Variants in YES1 observed in about 807,000 individuals in gnomAD.
YES1 encodes tyrosine-protein kinase Yes.
A neutral mutation model predicts 70.4 loss-of-function variants in YES1; 39 were observed. The ratio of observed to expected loss-of-function variants is 0.55; its 90% CI spans 0.43 to 0.72. YES1 has a LOEUF of 0.72. Among genes scored for constraint, YES1 ranks in the 30% least tolerant of loss-of-function variants. The pLI, the probability that YES1 is intolerant of heterozygous loss-of-function variation, is 0.00. For missense variants in YES1, 495 were observed against 644.8 expected (o/e 0.77, Z 2.52); for synonymous variants, 198 against 218.6 (o/e 0.91, Z 0.83).
intron 1 of YES1, among the ~76,000 whole-genome samples, chr18:769,655 A>G (rs924987228): frequency 5.3e-5 from 8 of 152,198 alleles, no homozygotes; most frequent in Admixed American, 5.2e-4. Flanking sequence ...AAGCTTTTCT[A>G]CATGTACTTA....
At chr18:788,971 G>A (rs1021987335) in intron 1 of YES1, among the ~76,000 whole-genome samples, 3 of 152,148 alleles carry the variant, frequency 2.0e-5, no homozygotes, top group African/African-American at 7.2e-5. Context: ...CTCAGAGCAT[G>A]TAAAAAGTTT....
intron 8 of YES1, among the ~76,000 whole-genome samples, chr18:740,726 T>C (rs60377646): frequency 0.089 from 13,492 of 152,224 alleles, 757 homozygotes; most frequent in East Asian, 0.27. Flanking sequence ...TTTTGTTATC[T>C]TGTATTCTAA....
At chr18:767,249 A>G (rs1242180009) in intron 1 of YES1, among the ~76,000 whole-genome samples, 1 of 152,172 alleles carries the variant, frequency 6.6e-6, no homozygotes, top group Non-Finnish European at 1.5e-5. Flanking sequence ...TTCCAGGCTC[A>G]AGACATCCTC....
In YES1 at chr18:751,705, G is replaced by A. The variant is rs374613149; in HGVS notation, c.371C>T (p.Thr124Met). 1.3e-5 allele frequency: 20 copies of A among 1,532,148 alleles called. No individual in the cohort carries two copies. The highest frequency in any genetic ancestry group is 1.0e-4 in the Admixed American group (6 of 58,756). 94.9% of individuals were successfully genotyped at this position (1,532,148 alleles called of 1,614,324 possible). A position where few individuals can be genotyped will look rare whatever the true frequency, so the allele number is the denominator to read the frequency against. Residue 124 changes from threonine (T) to methionine (M), a missense_variant and splice_region_variant, in exon 3 of 12, where the codon ACG (threonine) becomes ATG (methionine). Thr to Met is a moderately conservative substitution (Grantham distance 81). Around this residue, in one of 2 missense-constraint regions of YES1, gnomAD observed 385 missense variants for 540.9 expected, o/e 0.71. Transcript: ENST00000314574. ...KGERFQIINN[T>M]EGDWWEARSI... ...CTCACAAAATATTCATGACACTTAC[G>A]TATTGTTAATTATTTGAAATCTTTC...
intron 11 of YES1, among the ~76,000 whole-genome samples, chr18:727,038 T>C (rs570318876): frequency 6.6e-6 from 1 of 152,258 alleles, no homozygotes; most frequent in African/African-American, 2.4e-5. Flanking sequence ...AGACAATGAA[T>C]GATAAAGTAT....
chr18:746,276 T>C (rs779507968), intron 4 of YES1, among the ~76,000 whole-genome samples: 19 of 152,144 alleles, frequency 1.2e-4, no homozygotes, highest in Non-Finnish European at 2.6e-4. Context: ...AACTACTCAA[T>C]GTGTCTCTCA....
chr18:757,227 GGC>G (rs2080419384), intron 1 of YES1, among the ~76,000 whole-genome samples: 1 of 152,234 alleles, frequency 6.6e-6, no homozygotes, highest in Non-Finnish European at 1.5e-5. Context: ...AGTATCGCTG[GGC>G]GCAGTGGCTC....
At chr18:759,484 AAACC>A (rs1484764575) in intron 1 of YES1, among the ~76,000 whole-genome samples, 3 of 152,092 alleles carry the variant, frequency 2.0e-5, no homozygotes, top group Admixed American at 2.0e-4. Context: ...CAAACAACAA[AAACC>A]CATAACCGGA....
intron 11 of YES1, among the ~76,000 whole-genome samples, chr18:732,558 G>C (rs1229086569): frequency 6.6e-6 from 1 of 151,660 alleles, no homozygotes. Flanking sequence ...AGAACAGTAA[G>C]AGGCCCCTTT....
chr18:740,896 G>C (rs1305969952), intron 8 of YES1, among the ~76,000 whole-genome samples: 1 of 151,920 alleles, frequency 6.6e-6, no homozygotes, highest in East Asian at 1.9e-4. Context: ...TTTTTTAATT[G>C]TTAAAGTCTT....
intron 1 of YES1, among the ~76,000 whole-genome samples, chr18:788,807 T>G (rs1262914132): frequency 6.6e-6 from 1 of 152,186 alleles, no homozygotes; most frequent in African/African-American, 2.4e-5. Context: ...GCGCCTGTAG[T>G]GCCAGCTAGT....
intron 6 of YES1, among the ~76,000 whole-genome samples, chr18:744,824 G>A (rs369214671): frequency 6.7e-6 from 1 of 149,836 alleles, no homozygotes; most frequent in African/African-American, 2.5e-5. Context: ...ATGCCTAACA[G>A]GAGACTGATT....
At chr18:761,265 A>C (rs1405460746) in intron 1 of YES1, among the ~76,000 whole-genome samples, 1 of 152,092 alleles carries the variant, frequency 6.6e-6, no homozygotes, top group Admixed American at 6.6e-5. Flanking sequence ...AAAAAGTTTA[A>C]CTGTAAAAAT....
rs540864112 is a variant in YES1 at position 765,544 on chromosome 18, G to A, written c.-8-8709C>T. 5.9e-5 allele frequency among the ~76,000 whole-genome samples: 9 copies of A among 151,546 alleles called. No homozygotes were observed. The South Asian group carries it at 6.3e-4, about 11-fold the overall frequency. ...CTCCCCAGTAGCTGGGATTACAGGC[G>A]TGTACCACCACACCCAGCTAATTTT... On this transcript the variant is annotated intron_variant, in intron 1 of 11. Transcript: ENST00000314574.
chr18:728,157 G>C (rs925801748), intron 11 of YES1, among the ~76,000 whole-genome samples: 3 of 151,930 alleles, frequency 2.0e-5, no homozygotes, highest in African/African-American at 7.3e-5. Flanking sequence ...GCAACATGGT[G>C]AGACCCTGTC....
At chr18:766,294 A>C (rs1438337947) in intron 1 of YES1, among the ~76,000 whole-genome samples, 1 of 152,166 alleles carries the variant, frequency 6.6e-6, no homozygotes. Context: ...AAAGAGGAAT[A>C]CAAGACAGAA....
chr18:744,148 A>G (rs1032469262), intron 6 of YES1, among the ~76,000 whole-genome samples: 2 of 151,710 alleles, frequency 1.3e-5, no homozygotes, highest in Non-Finnish European at 2.9e-5. Context: ...CAAGTATCTC[A>G]TATATAAATG....
In YES1 at chr18:768,828, G is replaced by A. The variant is rs996204814; in HGVS notation, c.-8-11993C>T. Among the ~76,000 whole-genome samples the A allele has an allele frequency of 4.6e-5, 7 of 151,908 alleles. No homozygotes were observed. In the East Asian group the frequency reaches 9.7e-4, roughly 21 times the overall value. ...AGAGATTCTCGTGCCTCAGCCTCCC[G>A]AGTAGCTCGGATTACAGGCATCTGC... On this transcript the variant is annotated intron_variant, in intron 1 of 11. Transcript: ENST00000314574.
intron 1 of YES1, among the ~76,000 whole-genome samples, chr18:769,116 A>G (rs367771368): frequency 1.3e-5 from 2 of 151,980 alleles, no homozygotes; most frequent in African/African-American, 4.8e-5. Flanking sequence ...TAGCCTAGGT[A>G]TATAGGTATA....
Sources: allele counts gnomAD v4.1 joint callset (sites outside exome capture counted in the v4.1 genomes callset), GRCh38; gene constraint gnomAD v4.1.1; regional missense constraint gnomAD v4.1.1; transcripts MANE v1.5; gene names NCBI Gene and HGNC (gene_info 2026-07-23, HGNC 2026-07-21).